Variants in FGFR2 observed in about 807,000 individuals in gnomAD.
FGFR2 encodes the protein BEK fibroblast growth factor receptor.
FGFR2 carries 19 observed loss-of-function variants against 95.9 expected under a neutral mutation model. The ratio of observed to expected loss-of-function variants is 0.20; its 90% CI spans 0.14 to 0.29. FGFR2 has a LOEUF of 0.29. FGFR2 is among the 10% of genes least tolerant of loss of function. The pLI is 1.00. For synonymous variants in FGFR2, 392 were observed against 393.3 expected (o/e 1.00, Z 0.04); for missense variants, 707 against 1,056.9 (o/e 0.67, Z 4.59).
intron 6 of FGFR2, among the ~76,000 whole-genome samples, chr10:121,535,064 G>A (rs988322096): frequency 1.3e-5 from 2 of 152,190 alleles, no homozygotes; most frequent in African/African-American, 2.4e-5. Context: ...ACAAGAGGAA[G>A]ACAGAAGGAG....
chr10:121,597,515 A>AG (rs1300987694), intron 1 of FGFR2, among the ~76,000 whole-genome samples: 36 of 152,298 alleles, frequency 2.4e-4, no homozygotes, highest in African/African-American at 7.9e-4. Context: ...CTCCCGAAAA[A>AG]GGGGTCTCCG....
chr10:121,490,000 C>A (rs1467591076), intron 13 of FGFR2, among the ~76,000 whole-genome samples: 2 of 152,192 alleles, frequency 1.3e-5, no homozygotes, highest in Admixed American at 6.5e-5. Context: ...CGTTCTCAGT[C>A]CAGTTTCTCC....
At chr10:121,484,871 G>A (rs1421062433) in intron 16 of FGFR2, among the ~76,000 whole-genome samples, 2 of 152,200 alleles carry the variant, frequency 1.3e-5, no homozygotes, top group Non-Finnish European at 2.9e-5. Context: ...TGTGGTTGGC[G>A]TCAATCTGTA....
At chr10:121,579,970 C>T (rs1474855990) in intron 2 of FGFR2, among the ~76,000 whole-genome samples, 4 of 152,204 alleles carry the variant, frequency 2.6e-5, no homozygotes, top group African/African-American at 9.7e-5. Flanking sequence ...GACAAGCTCA[C>T]CTCCCTGATA....
chr10:121,542,609 G>A (rs1057457828), intron 5 of FGFR2, among the ~76,000 whole-genome samples: 4 of 152,136 alleles, frequency 2.6e-5, no homozygotes, highest in Non-Finnish European at 5.9e-5. Context: ...GGAGAGCATG[G>A]ACTTCAAAAC....
chr10:121,535,689 C>T (rs1852736838), intron 6 of FGFR2, among the ~76,000 whole-genome samples: 1 of 152,168 alleles, frequency 6.6e-6, no homozygotes, highest in Admixed American at 6.5e-5. Flanking sequence ...GAGCATCACA[C>T]TAATTTTCCC....
intron 2 of FGFR2, among the ~76,000 whole-genome samples, chr10:121,590,147 A>C (rs1280853289): frequency 6.6e-6 from 1 of 152,114 alleles, no homozygotes; most frequent in Non-Finnish European, 1.5e-5. Flanking sequence ...ATTGCTACAC[A>C]AACTACATTT....
intron 4 of FGFR2, among the ~76,000 whole-genome samples, chr10:121,553,544 A>C (rs1333757560): frequency 6.6e-6 from 1 of 152,232 alleles, no homozygotes; most frequent in Non-Finnish European, 1.5e-5. Flanking sequence ...ACAAATAATG[A>C]GCTTTGTCAC....
chr10:121,486,020 C>T (rs765149946), intron 15 of FGFR2, among the ~76,000 whole-genome samples: 98 of 152,194 alleles, frequency 6.4e-4, no homozygotes, highest in Non-Finnish European at 2.4e-4. Flanking sequence ...AGGCAATCAG[C>T]ACTGGGCTGG....
chr10:121,535,462 G>A (rs912253153), intron 6 of FGFR2, among the ~76,000 whole-genome samples: 6 of 152,122 alleles, frequency 3.9e-5, no homozygotes, highest in Admixed American at 3.3e-4. Flanking sequence ...CGCTTTTTTT[G>A]TTCTAACATT....
At chr10:121,546,262 A>G (rs1340117753) in intron 5 of FGFR2, among the ~76,000 whole-genome samples, 7 of 151,954 alleles carry the variant, frequency 4.6e-5, no homozygotes, top group Non-Finnish European at 8.8e-5. Flanking sequence ...ATACTATTAA[A>G]TTATGGTTCT....
At chr10:121,501,827 T>C (rs910989644) in intron 10 of FGFR2, among the ~76,000 whole-genome samples, 3 of 152,202 alleles carry the variant, frequency 2.0e-5, no homozygotes, top group Non-Finnish European at 4.4e-5. Flanking sequence ...AGAACGAAAA[T>C]TAAATTTAAC....
At chr10:121,492,132 C>T (rs1439129534) in intron 13 of FGFR2, among the ~76,000 whole-genome samples, 1 of 152,092 alleles carries the variant, frequency 6.6e-6, no homozygotes, top group East Asian at 1.9e-4. Flanking sequence ...GCCAAGATCA[C>T]GCCACTGCAC....
chr10:121,479,352 A>T lies in FGFR2; in HGVS notation c.*505T>A, dbSNP rs1185354902. The T allele has an allele frequency of 3.5e-6, 1 of 288,542 alleles. No homozygotes were observed. Among genetic ancestry groups the T allele is most frequent in the African/African-American group, 2.2e-5 (1 of 46,484 alleles). 17.9% of individuals were successfully genotyped at this position (288,542 alleles called of 1,614,324 possible). A position where few individuals can be genotyped will look rare whatever the true frequency, so the allele number is the denominator to read the frequency against. ...GAACAGCATTTAGCAAATAGCTATTAAAAAAAGAGAGACCAATTTTCTAGG... is the reference window on the plus strand; with the variant it reads ...GAACAGCATTTAGCAAATAGCTATTTAAAAAAGAGAGACCAATTTTCTAGG... On this transcript the variant is annotated 3_prime_UTR_variant, in exon 18 of 18. Transcript: ENST00000358487.
intron 2 of FGFR2, among the ~76,000 whole-genome samples, chr10:121,581,323 C>T (rs1459225603): frequency 1.3e-5 from 2 of 152,172 alleles, no homozygotes; most frequent in African/African-American, 2.4e-5. Flanking sequence ...AGGCTAGGCC[C>T]TGGAAAATCA....
At chr10:121,573,339 G>T (rs1267669449) in intron 2 of FGFR2, among the ~76,000 whole-genome samples, 2 of 152,174 alleles carry the variant, frequency 1.3e-5, no homozygotes, top group African/African-American at 4.8e-5. Flanking sequence ...AGCCTTTTCT[G>T]GGGTTTCCCA....
intron 11 of FGFR2, among the ~76,000 whole-genome samples, chr10:121,498,975 T>A (rs989372893): frequency 2.6e-5 from 4 of 151,946 alleles, no homozygotes; most frequent in Non-Finnish European, 5.9e-5. Context: ...AGACCGAGGG[T>A]AGGGCCATTT....
At chr10:121,536,049 G>C (rs2134556169) in intron 6 of FGFR2, among the ~76,000 whole-genome samples, 1 of 152,074 alleles carries the variant, frequency 6.6e-6, no homozygotes, top group African/African-American at 2.4e-5. Flanking sequence ...CTGTGAAACA[G>C]AGAGGTGGCT....
Position 121,487,972 on chromosome 10 carries a change from G to A in FGFR2, c.1986+19C>T, listed in dbSNP as rs1468122794. On this transcript the variant is annotated intron_variant, in intron 14 of 17. Transcript: ENST00000358487. Reference sequence around the variant, plus strand: ...CCTCACCCCCGCCCCTGCCCACTGTGTTACTGCCATCGACTTACATTGGTG... The same window carrying A: ...CCTCACCCCCGCCCCTGCCCACTGTATTACTGCCATCGACTTACATTGGTG... 1 of 1,613,942 alleles carries A rather than the reference G, an allele frequency of 6.2e-7. No individual in the cohort carries two copies. Among genetic ancestry groups the A allele is most frequent in the Non-Finnish European group, 8.5e-7 (1 of 1,179,928 alleles).
Sources: allele counts gnomAD v4.1 joint callset (sites outside exome capture counted in the v4.1 genomes callset), GRCh38; gene constraint gnomAD v4.1.1; transcripts MANE v1.5; gene names NCBI Gene and HGNC (gene_info 2026-07-23, HGNC 2026-07-21).